The following TCL1B variants were observed in gnomAD, a reference collection of about 807,000 sequenced individuals.
TCL1B encodes T-cell leukemia/lymphoma protein 1B.
A neutral mutation model predicts 16.9 loss-of-function variants in TCL1B; 14 were observed. The ratio of observed to expected loss-of-function variants is 0.83; its 90% CI spans 0.55 to 1.30. The LOEUF is 1.30. Ranked by LOEUF, TCL1B falls within the 50% of genes most tolerant of loss-of-function variation. TCL1B has a pLI of 0.00. For synonymous variants in TCL1B, 79 were observed against 66.6 expected (o/e 1.19, Z -0.91); for missense variants, 166 against 165.2 (o/e 1.00, Z -0.03).
rs1885896261 is a variant in TCL1B at position 95,691,914 on chromosome 14, C to G, written c.*16-17C>G. On this transcript the variant is annotated splice_polypyrimidine_tract_variant and intron_variant, in intron 3 of 3. Coordinates refer to ENST00000340722, the MANE Select transcript of TCL1B (RefSeq NM_004918.4). ...TCCCCCATAGTTCACTGACTGTCTC[C>G]TTTGGTCTTCTCGCAGGCCCTGCTG... 1 of 152,778 alleles carries G rather than the reference C, an allele frequency of 6.5e-6. No individual in the cohort carries two copies. The highest frequency in any genetic ancestry group is 2.4e-5 in the African/African-American group (1 of 41,460). 9.5% of individuals were successfully genotyped at this position (152,778 alleles called of 1,614,324 possible).
Position 95,686,577 on chromosome 14 carries a change from T to G in TCL1B, c.110T>G (p.Val37Gly). ...EEGRTWVTVV[V>G]RFNPSRREWA... ...GGGAGAACCTGGGTGACTGTGGTCG[T>G]GCGGTTCAATCCCTCGCGTAGGGAA... Residue 37 changes from valine (V) to glycine (G), a missense_variant, in exon 1 of 4, where the codon GTG (valine) becomes GGG (glycine). Physicochemically the swap from Val to Gly is moderately radical, Grantham distance 109. Transcript: ENST00000340722. 3 of 1,613,700 alleles carry G rather than the reference T, an allele frequency of 1.9e-6. No individual in the cohort carries two copies. In the South Asian group the frequency reaches 3.3e-5, roughly 18 times the overall value.
rs551028723 is a variant in TCL1B, at chr14:95,689,024, C to T, written c.163-1712C>T. Among the ~76,000 whole-genome samples the T allele has an allele frequency of 2.0e-3, 299 of 152,240 alleles. 1 individual carries two copies. The highest frequency in any genetic ancestry group is 3.4e-3 in the African/African-American group (142 of 41,556). On this transcript the variant is annotated intron_variant, in intron 1 of 3. Transcript: ENST00000340722. ...ACAGTTGGCCGGGTGCGGTGGCTCA[C>T]GCCTGTAATCCCAGCACTTTGGGGG...
intron 1 of TCL1B, among the ~76,000 whole-genome samples, chr14:95,687,951 C>CAAAA (rs36096166): frequency 0.12 from 13,119 of 107,978 alleles, 1,037 homozygotes; most frequent in African/African-American, 0.17. Flanking sequence ...GACTCCGTCC[C>CAAAA]AAAAAAAAAA....
At chr14:95,691,730 G>A (rs1885891307) in intron 3 of TCL1B, 1 of 194,780 alleles carries the variant, frequency 5.1e-6, no homozygotes, top group African/African-American at 2.3e-5. Flanking sequence ...TGGCACTGAG[G>A]TGCCGTGTGA....
Position 95,686,500 on chromosome 14 carries a change from G to C in TCL1B, c.33G>C (p.Val11=), listed in dbSNP as rs1418535330. ...CCGAAGCTTCTGTGCGTCTAGGGGTGCCCCCTGGCCGTCTGTGGATCCAGA... is the reference window on the plus strand; with the variant it reads ...CCGAAGCTTCTGTGCGTCTAGGGGTCCCCCCTGGCCGTCTGTGGATCCAGA... MASEASVRLG[V]PPGRLWIQRP... Residue 11 remains valine, a synonymous_variant, in exon 1 of 4, where the codon GTG becomes GTC. Coordinates refer to ENST00000340722, the MANE Select transcript of TCL1B (RefSeq NM_004918.4). 1.2e-6 allele frequency: 2 copies of C among 1,611,862 alleles called. No individual in the cohort carries two copies. Among genetic ancestry groups the C allele is most frequent in the Admixed American group, 1.7e-5 (1 of 59,850 alleles).
intron 2 of TCL1B, 94 bp downstream of exon 2, chr14:95,691,000 C>G: frequency 7.0e-7 from 1 of 1,420,278 alleles, no homozygotes; most frequent in Non-Finnish European, 9.6e-7. Context: ...CCTTGGGGTT[C>G]TTGTCTGTCC....
intron 3 of TCL1B, 59 bp downstream of exon 3, chr14:95,691,395 C>A: frequency 6.6e-7 from 1 of 1,522,500 alleles, no homozygotes; most frequent in South Asian, 1.2e-5. Flanking sequence ...GAAGACCTCT[C>A]CTCTTTTCAG....
At chr14:95,688,946 C>T (rs1011247282) in intron 1 of TCL1B, among the ~76,000 whole-genome samples, 1 of 152,068 alleles carries the variant, frequency 6.6e-6, no homozygotes, top group Non-Finnish European at 1.5e-5. Context: ...GTGGATAGTG[C>T]CGACGGTTCC....
At chr14:95,691,422 C>T (rs1885884202) in intron 3 of TCL1B, 86 bp downstream of exon 3, 1 of 1,262,288 alleles carries the variant, frequency 7.9e-7, no homozygotes, top group Non-Finnish European at 1.1e-6. Flanking sequence ...GGCGTGGCCT[C>T]CTCCTCCCTG....
intron 1 of TCL1B, among the ~76,000 whole-genome samples, 182 bp from the exon 2 acceptor site, chr14:95,690,553 AG>A (rs575797432): frequency 4.1e-4 from 62 of 152,104 alleles, no homozygotes; most frequent in African/African-American, 1.5e-3. Flanking sequence ...TGCAGGTCAG[AG>A]GGGGCCAGAA....
At chr14:95,689,538 C>T (rs1328322626) in intron 1 of TCL1B, 1 of 152,180 alleles carries the variant, frequency 6.6e-6, no homozygotes, top group African/African-American at 2.4e-5. Flanking sequence ...TAAACATTTT[C>T]CACTTGGAGA....
At chr14:95,687,914 T>G (rs2139703608) in intron 1 of TCL1B, among the ~76,000 whole-genome samples, 1 of 126,684 alleles carries the variant, frequency 7.9e-6, no homozygotes, top group Middle Eastern at 5.9e-3. Flanking sequence ...ATCGCACCAC[T>G]GCACTCCAGC....
At chr14:95,686,707 C>T in intron 1 of TCL1B, 78 bp downstream of exon 1, 2 of 1,466,126 alleles carry the variant, frequency 1.4e-6, no homozygotes. Context: ...CGGTGGGGGT[C>T]AGAGGGGGCC....
At position 95,686,475 on chromosome 14, in the gene TCL1B, C is replaced by T. The variant is rs751378732; in HGVS notation, c.8C>T (p.Ser3Phe). 19 of 1,594,032 alleles carry T rather than the reference C, an allele frequency of 1.2e-5. No homozygotes were observed. The highest frequency in any genetic ancestry group is 2.7e-5 in the African/African-American group (2 of 74,574). ...CCCGGTTGCAGACTTGCCATGGCCT[C>T]CGAAGCTTCTGTGCGTCTAGGGGTG... MA[S>F]EASVRLGVPP... Residue 3 changes from serine to phenylalanine, a missense_variant, in exon 1 of 4, where the codon TCC becomes TTC. Physicochemically the swap from Ser to Phe is radical, Grantham distance 155 (BLOSUM62 -2). Coordinates refer to ENST00000340722, the MANE Select transcript of TCL1B (RefSeq NM_004918.4).
chr14:95,689,119 T>C lies in TCL1B; in HGVS notation c.163-1617T>C, dbSNP rs566710629. ...GGCTAACACGGTGAAACCCCGTCTCTACTAAAAATACAAAAAAATTAGCCG... is the reference window on the plus strand; with the variant it reads ...GGCTAACACGGTGAAACCCCGTCTCCACTAAAAATACAAAAAAATTAGCCG... On this transcript the variant is annotated intron_variant, in intron 1 of 3. Transcript: ENST00000340722. Among the ~76,000 whole-genome samples the C allele has an allele frequency of 6.2e-3, 936 of 152,052 alleles. 7 individuals carry two copies. Among genetic ancestry groups the C allele is most frequent in the Middle Eastern group, 0.01 (3 of 294 alleles).
chr14:95,687,583 TG>T, intron 1 of TCL1B, among the ~76,000 whole-genome samples: 6 of 152,336 alleles, frequency 3.9e-5, no homozygotes, highest in African/African-American at 1.4e-4. Flanking sequence ...GTCGAATTCA[TG>T]GGTGCAGTAT....
intron 1 of TCL1B, among the ~76,000 whole-genome samples, chr14:95,690,303 T>C (rs1885850759): frequency 6.6e-6 from 1 of 152,176 alleles, no homozygotes; most frequent in Non-Finnish European, 1.5e-5. Flanking sequence ...CTCCCAGCCT[T>C]ATTTCGTATA....
chr14:95,688,676 T>C (rs1885812732), intron 1 of TCL1B, among the ~76,000 whole-genome samples: 1 of 152,204 alleles, frequency 6.6e-6, no homozygotes, highest in Admixed American at 6.5e-5. Flanking sequence ...CCAGTGTCCA[T>C]TGATAGATGA....
At chr14:95,690,698 C>G (rs374414639) in intron 1 of TCL1B, 38 bp from the exon 2 acceptor site, 8 of 1,587,968 alleles carry the variant, frequency 5.0e-6, no homozygotes, top group African/African-American at 1.3e-5. Context: ...GCAGGGAACC[C>G]TATCCATGAT....
Sources: allele counts gnomAD v4.1 joint callset (sites outside exome capture counted in the v4.1 genomes callset), GRCh38; gene constraint gnomAD v4.1.1; transcripts MANE v1.5; gene names NCBI Gene and HGNC (gene_info 2026-07-23, HGNC 2026-07-21).